Variants in PTP4A1 observed in about 807,000 individuals in gnomAD.
PTP4A1 encodes protein tyrosine phosphatase type IVA 1.
PTP4A1 carries 9 observed loss-of-function variants against 20.5 expected under a neutral mutation model. The observed-to-expected ratio is 0.44, with a 90% CI of 0.26 to 0.77. The LOEUF (loss-of-function observed/expected upper bound fraction) is 0.77. Among genes scored for constraint, PTP4A1 ranks in the 30% least tolerant of loss-of-function variants. The pLI is 0.19. For synonymous variants in PTP4A1, 78 were observed against 67.4 expected (o/e 1.16, Z -0.77); for missense variants, 137 against 218.8 (o/e 0.63, Z 2.36).
At chr6:63,558,779 T>C (rs1776799166) in intron 3 of PTP4A1, among the ~76,000 whole-genome samples, 1 of 152,164 alleles carries the variant, frequency 6.6e-6, no homozygotes, top group African/African-American at 2.4e-5. Context: ...TTCTTTAAAA[T>C]ACCAACACCT....
intron 3 of PTP4A1, among the ~76,000 whole-genome samples, chr6:63,557,408 A>T (rs1581934213): frequency 6.6e-6 from 1 of 152,100 alleles, no homozygotes; most frequent in Admixed American, 6.6e-5. Flanking sequence ...TCTACTAAAA[A>T]TACAAAAATT....
rs143177086 is a variant in PTP4A1 at position 63,583,389 on chromosome 6, A to G, written c.*3215A>G. The G allele has an allele frequency of 6.6e-6, 1 of 152,210 alleles. No homozygotes were observed. The highest frequency in any genetic ancestry group is 2.1e-4 in the South Asian group (1 of 4,830). The allele number at this position is 152,210 out of a possible 1,614,324, so 9.4% of individuals were successfully genotyped here. ...CTGGTTTAAAAGTGGTTTAAAAGTGACATTTAATGTTTCTCCATTACGTTT... is the reference window on the plus strand; with the variant it reads ...CTGGTTTAAAAGTGGTTTAAAAGTGGCATTTAATGTTTCTCCATTACGTTT... On this transcript the variant is annotated 3_prime_UTR_variant, in exon 6 of 6. Coordinates refer to ENST00000626021, the MANE Select transcript of PTP4A1 (RefSeq NM_003463.5).
At chr6:63,541,340 G>A (rs1198901902) in intron 2 of PTP4A1, among the ~76,000 whole-genome samples, 1 of 152,016 alleles carries the variant, frequency 6.6e-6, no homozygotes, top group East Asian at 1.9e-4. Flanking sequence ...GGATCATGAG[G>A]TCAGGAGTTC....
At chr6:63,578,377 A>C in intron 2 of PTP4A1, 60 bp from the exon 3 acceptor site, 1 of 1,530,388 alleles carries the variant, frequency 6.5e-7, no homozygotes, top group Non-Finnish European at 8.8e-7. Context: ...AGAATATAAA[A>C]TGTTGAGTTA....
upstream of PTP4A1, among the ~76,000 whole-genome samples, chr6:63,518,471 G>A (rs1334784981): frequency 6.6e-6 from 1 of 152,164 alleles, no homozygotes; most frequent in Non-Finnish European, 1.5e-5. Flanking sequence ...ATCCAACAGA[G>A]GTAAAGGATA....
upstream of PTP4A1, chr6:63,521,719 T>C (rs1774932844): frequency 6.6e-6 from 1 of 152,184 alleles, no homozygotes. Context: ...CAGATAGACT[T>C]AAGCTCCTGC....
chr6:63,544,027 G>T (rs1776086524), intron 2 of PTP4A1, among the ~76,000 whole-genome samples: 2 of 152,066 alleles, frequency 1.3e-5, no homozygotes, highest in South Asian at 4.1e-4. Context: ...TCACCACATT[G>T]TAATTCTCCG....
At chr6:63,532,303 T>G (rs1471220209) in intron 2 of PTP4A1, among the ~76,000 whole-genome samples, 1 of 152,188 alleles carries the variant, frequency 6.6e-6, no homozygotes, top group Non-Finnish European at 1.5e-5. Flanking sequence ...TTGGTAAATC[T>G]CTATTAAGTT....
intron 3 of PTP4A1, among the ~76,000 whole-genome samples, chr6:63,564,050 G>A (rs942587974): frequency 3.9e-5 from 6 of 152,130 alleles, no homozygotes; most frequent in Non-Finnish European, 8.8e-5. Context: ...CAAGGCAGGC[G>A]GATCATTTGA....
chr6:63,538,986 T>C (rs1283233788), intron 2 of PTP4A1, among the ~76,000 whole-genome samples: 1 of 152,158 alleles, frequency 6.6e-6, no homozygotes, highest in Non-Finnish European at 1.5e-5. Flanking sequence ...TCCTCCTCTT[T>C]GGTTGAAGCA....
intron 2 of PTP4A1, among the ~76,000 whole-genome samples, chr6:63,531,297 G>A (rs555777397): frequency 6.6e-6 from 1 of 152,186 alleles, no homozygotes; most frequent in Admixed American, 6.5e-5. Flanking sequence ...ATGGAATGAA[G>A]GGCAAATACC....
intron 3 of PTP4A1, among the ~76,000 whole-genome samples, chr6:63,558,902 G>T (rs1297544852): frequency 1.3e-5 from 2 of 152,168 alleles, no homozygotes; most frequent in South Asian, 2.1e-4. Context: ...TAGGATTGTT[G>T]TAAGAGTTAG....
At chr6:63,576,046 AAAC>A (rs754278501) in intron 1 of PTP4A1, among the ~76,000 whole-genome samples, 4 of 151,222 alleles carry the variant, frequency 2.6e-5, no homozygotes, top group Admixed American at 6.6e-5. Context: ...AATGTAAAGA[AAAC>A]AACTATCGAA....
At chr6:63,552,771 A>G (rs943224159) in intron 3 of PTP4A1, among the ~76,000 whole-genome samples, 8 of 152,052 alleles carry the variant, frequency 5.3e-5, no homozygotes, top group East Asian at 1.9e-4. Context: ...AGTTTTCCCA[A>G]CACCATTTAT....
chr6:63,553,187 A>G (rs1427965637), intron 3 of PTP4A1, among the ~76,000 whole-genome samples: 2 of 152,192 alleles, frequency 1.3e-5, no homozygotes, highest in African/African-American at 2.4e-5. Flanking sequence ...CTCATCAAAT[A>G]AGTCCTCAGT....
intron 3 of PTP4A1, among the ~76,000 whole-genome samples, chr6:63,552,303 ATG>A (rs1276323193): frequency 6.6e-6 from 1 of 151,932 alleles, no homozygotes; most frequent in Non-Finnish European, 1.5e-5. Flanking sequence ...GCATTTTTTC[ATG>A]TGTTTTTTTG....
At chr6:63,524,547 C>T (rs549685641) in intron 1 of PTP4A1, among the ~76,000 whole-genome samples, 148 of 151,880 alleles carry the variant, frequency 9.7e-4, no homozygotes, top group Middle Eastern at 3.4e-3. Context: ...ATTTATTGTT[C>T]AATATGTTTC....
intron 2 of PTP4A1, among the ~76,000 whole-genome samples, chr6:63,544,656 G>T (rs139948253): frequency 5.3e-5 from 8 of 152,104 alleles, no homozygotes; most frequent in Non-Finnish European, 8.8e-5. Flanking sequence ...TGACCTTGAC[G>T]TTTCTGATTA....
upstream of PTP4A1, chr6:63,572,396 G>T: frequency 3.0e-6 from 1 of 338,400 alleles, no homozygotes. Flanking sequence ...GTCGGCTCCT[G>T]GCCCGCGGTT....
Sources: allele counts gnomAD v4.1 joint callset (sites outside exome capture counted in the v4.1 genomes callset), GRCh38; gene constraint gnomAD v4.1.1; transcripts MANE v1.5; gene names NCBI Gene and HGNC (gene_info 2026-07-23, HGNC 2026-07-21).